Variants in DCBLD2 observed in about 807,000 individuals in gnomAD.
The protein encoded by DCBLD2 is discoidin, CUB and LCCL domain containing 2, also known as discoidin, CUB and LCCL domain-containing protein 2.
In DCBLD2, 54 loss-of-function variants were observed where a neutral mutation model predicts 86.8. The ratio of observed to expected loss-of-function variants is 0.62; its 90% CI spans 0.50 to 0.78. The LOEUF is 0.78. DCBLD2 is among the 30% of genes least tolerant of loss of function. The probability of loss-of-function intolerance (pLI) is 0.00; values close to 1 mark genes in which losing one functional copy is unlikely to be tolerated. For missense variants in DCBLD2, 908 were observed against 954.2 expected, an observed-to-expected ratio of 0.95 and a Z score of 0.64; for synonymous variants, 354 against 341.3, an observed-to-expected ratio of 1.04 and a Z score of -0.41.
chr3:98,895,984 A>T (rs1445776963), intron 1 of DCBLD2, among the ~76,000 whole-genome samples: 1 of 152,192 alleles, frequency 6.6e-6, no homozygotes, highest in Non-Finnish European at 1.5e-5. Flanking sequence ...TTCAGTTTTG[A>T]AGGCAAGGTT....
chr3:98,812,639 G>A, intron 9 of DCBLD2, 157 bp from the exon 10 acceptor site: 37 of 553,298 alleles, frequency 6.7e-5, no homozygotes, highest in South Asian at 2.5e-4. Context: ...ATCATAATTT[G>A]GAAAAATATT....
Position 98,901,199 on chromosome 3 carries a change from G to C in DCBLD2, c.128C>G (p.Ser43Cys). The C allele has an allele frequency of 6.5e-7, 1 of 1,536,608 alleles. No homozygotes were observed. ...SRSLPPCSNS[S>C]SFSMPLFLLL... ...GAGGAACAGAGGCATGGAGAAGGAG[G>C]AGGAGTTGGAGCAGGGAGGGAGGGA... Residue 43 changes from serine (S) to cysteine (C), a missense_variant, in exon 1 of 16, where the codon TCC becomes TGC. Transcript: ENST00000326840.
chr3:98,866,734 G>T (rs1290932749), intron 2 of DCBLD2, among the ~76,000 whole-genome samples: 1 of 152,066 alleles, frequency 6.6e-6, no homozygotes, highest in East Asian at 1.9e-4. Flanking sequence ...GTCAATTTTG[G>T]CTTTTGTTGC....
At chr3:98,811,441 A>G (rs1169825378) in intron 11 of DCBLD2, 27 bp downstream of exon 11, 2 of 1,613,162 alleles carry the variant, frequency 1.2e-6, no homozygotes, top group Admixed American at 1.7e-5. Flanking sequence ...AAGGAATATC[A>G]AATTCTCACA....
chr3:98,829,034 C>G (rs1942275429), intron 3 of DCBLD2, among the ~76,000 whole-genome samples: 1 of 152,164 alleles, frequency 6.6e-6, no homozygotes, highest in Admixed American at 6.5e-5. Context: ...TGGGGAATAA[C>G]TGCTACTAAC....
chr3:98,826,544 G>A (rs774769714), intron 3 of DCBLD2, among the ~76,000 whole-genome samples: 22 of 152,152 alleles, frequency 1.4e-4, no homozygotes, highest in African/African-American at 4.6e-4. Flanking sequence ...GTTGTCAAAC[G>A]TAATGTGTTA....
chr3:98,848,712 T>C (rs1365725972), intron 3 of DCBLD2, among the ~76,000 whole-genome samples: 1 of 152,198 alleles, frequency 6.6e-6, no homozygotes, highest in African/African-American at 2.4e-5. Flanking sequence ...CCCATGTTTA[T>C]TTCATGCTGT....
At chr3:98,825,216 A>G (rs1285266415) in intron 4 of DCBLD2, 99 bp downstream of exon 4, 2 of 904,556 alleles carry the variant, frequency 2.2e-6, no homozygotes, top group African/African-American at 3.5e-5. Context: ...ATCACACAAT[A>G]TACATTAACC....
intron 3 of DCBLD2, among the ~76,000 whole-genome samples, chr3:98,840,758 T>C (rs73138016): frequency 0.026 from 3,967 of 152,308 alleles, 71 homozygotes; most frequent in Middle Eastern, 0.041. Flanking sequence ...TCCCAAACTG[T>C]TGAGAAGACA....
At chr3:98,897,182 A>G (rs1943764941) in intron 1 of DCBLD2, among the ~76,000 whole-genome samples, 2 of 152,196 alleles carry the variant, frequency 1.3e-5, no homozygotes, top group Admixed American at 1.3e-4. Flanking sequence ...AAATGGAATT[A>G]TCAACTATCC....
chr3:98,896,354 T>G (rs187736190), intron 1 of DCBLD2, among the ~76,000 whole-genome samples: 119 of 152,348 alleles, frequency 7.8e-4, no homozygotes, highest in Non-Finnish European at 1.2e-3. Context: ...CTGAAATACT[T>G]TCTCAAAGAT....
At chr3:98,884,098 G>A (rs564527835) in intron 1 of DCBLD2, among the ~76,000 whole-genome samples, 5 of 152,032 alleles carry the variant, frequency 3.3e-5, no homozygotes, top group African/African-American at 4.8e-5. Context: ...CTTAAAAATC[G>A]TATCCTTGGC....
intron 2 of DCBLD2, among the ~76,000 whole-genome samples, chr3:98,865,821 T>A (rs982619648): frequency 6.6e-6 from 1 of 151,692 alleles, no homozygotes; most frequent in Admixed American, 6.6e-5. Context: ...TAACTCGTCA[T>A]TTACATTAGG....
At position 98,796,764 on chromosome 3, in the gene DCBLD2, T is replaced by A. The variant is rs115539886; in HGVS notation, c.*2608A>T. ...GTATAAGTCAGAATTCACAATATCTTAAACTGTGCTGTTTCCTAAGATCAA... is the reference window on the plus strand; with the variant it reads ...GTATAAGTCAGAATTCACAATATCTAAAACTGTGCTGTTTCCTAAGATCAA... On this transcript the variant is annotated 3_prime_UTR_variant, in exon 16 of 16. Coordinates refer to ENST00000326840, the MANE Select transcript of DCBLD2 (RefSeq NM_080927.4). The A allele has an allele frequency of 3.9e-5, 6 of 152,774 alleles. No homozygotes were observed. The highest frequency in any genetic ancestry group is 1.4e-4 in the African/African-American group (6 of 41,580). 9.5% of individuals were successfully genotyped at this position (152,774 alleles called of 1,614,324 possible). A position where few individuals can be genotyped will look rare whatever the true frequency, so the allele number is the denominator to read the frequency against.
At chr3:98,824,219 A>G (rs1296300647) in intron 4 of DCBLD2, among the ~76,000 whole-genome samples, 2 of 152,230 alleles carry the variant, frequency 1.3e-5, no homozygotes, top group Admixed American at 6.5e-5. Flanking sequence ...GCTTACATAC[A>G]TAATCTGATT....
At chr3:98,817,234 A>G (rs1323746378) in intron 9 of DCBLD2, among the ~76,000 whole-genome samples, 6 of 152,206 alleles carry the variant, frequency 3.9e-5, no homozygotes, top group Non-Finnish European at 7.4e-5. Flanking sequence ...GTTGCTAACT[A>G]AAACAAAGAT....
At chr3:98,869,477 G>T (rs1371461982) in intron 2 of DCBLD2, among the ~76,000 whole-genome samples, 1 of 152,062 alleles carries the variant, frequency 6.6e-6, no homozygotes, top group East Asian at 1.9e-4. Flanking sequence ...TGTTGCATTT[G>T]CTCTGTCTCT....
intron 2 of DCBLD2, among the ~76,000 whole-genome samples, chr3:98,866,837 T>C (rs1943157024): frequency 6.6e-6 from 1 of 152,258 alleles, no homozygotes; most frequent in Non-Finnish European, 1.5e-5. Flanking sequence ...TTTATGGTTT[T>C]AGGTCTAACA....
chr3:98,866,585 C>A (rs1013637758), intron 2 of DCBLD2, among the ~76,000 whole-genome samples: 8 of 152,040 alleles, frequency 5.3e-5, no homozygotes, highest in Non-Finnish European at 1.2e-4. Flanking sequence ...TGTTTGAGTT[C>A]TTTGTAGATT....
Sources: gnomAD v4.1 joint callset for allele counts (sites outside exome capture counted in the v4.1 genomes callset) on GRCh38, gnomAD v4.1.1 for gene constraint, MANE v1.5 for transcripts, NCBI Gene and HGNC (gene_info 2026-07-23, HGNC 2026-07-21) for gene names.